The following LRP1B variants were observed in gnomAD, a reference collection of about 807,000 sequenced individuals.
The protein encoded by LRP1B is LDL receptor related protein 1B.
A neutral mutation model predicts 556.6 loss-of-function variants in LRP1B; 217 were observed. The observed-to-expected ratio is 0.39, with a 90% confidence interval of 0.35 to 0.44. LRP1B has a LOEUF of 0.44. LRP1B is among the 20% of genes least tolerant of loss of function. LRP1B has a pLI of 1.00. For synonymous variants in LRP1B, 2,047 were observed against 1,865.8 expected (o/e 1.10, Z -2.50); for missense variants, 5,053 against 5,620.8 (o/e 0.90, Z 3.23).
At chr2:140,618,951 C>T (rs747825291) in intron 41 of LRP1B, among the ~76,000 whole-genome samples, 22 of 152,032 alleles carry the variant, frequency 1.4e-4, no homozygotes, top group Non-Finnish European at 4.4e-5. Flanking sequence ...ACTTCCCATA[C>T]CTCTCTCCTC....
intron 39 of LRP1B, 58 bp from the exon 40 acceptor site, chr2:140,701,903 G>A (rs1686658944): frequency 1.2e-6 from 2 of 1,603,538 alleles, no homozygotes; most frequent in South Asian, 2.2e-5. Flanking sequence ...AGTCAAGCCA[G>A]TTACTTAAGC....
intron 2 of LRP1B, among the ~76,000 whole-genome samples, chr2:141,727,080 G>T (rs1693067353): frequency 6.6e-6 from 1 of 152,174 alleles, no homozygotes; most frequent in East Asian, 1.9e-4. Context: ...AGCCACTAAT[G>T]TAAGGAGATT....
chr2:141,123,956 T>C (rs568563506), intron 7 of LRP1B, among the ~76,000 whole-genome samples: 1 of 148,642 alleles, frequency 6.7e-6, no homozygotes, highest in South Asian at 2.1e-4. Context: ...ATAGAGTAAA[T>C]TGTTAGTTAT....
chr2:140,880,467 C>T (rs1044684938), intron 25 of LRP1B, among the ~76,000 whole-genome samples: 1 of 152,064 alleles, frequency 6.6e-6, no homozygotes, highest in African/African-American at 2.4e-5. Context: ...AGTTTGTCAC[C>T]TGGGAGATCA....
intron 84 of LRP1B, among the ~76,000 whole-genome samples, chr2:140,282,426 A>G (rs968295516): frequency 6.6e-6 from 1 of 151,822 alleles, no homozygotes; most frequent in African/African-American, 2.4e-5. Flanking sequence ...ACAGAACTTC[A>G]AATCCAAATA....
intron 47 of LRP1B, among the ~76,000 whole-genome samples, chr2:140,532,362 T>C (rs913897580): frequency 6.7e-5 from 10 of 149,364 alleles, no homozygotes; most frequent in Non-Finnish European, 1.2e-4. Context: ...CTCCTTCCCA[T>C]ACCTTCTCTG....
chr2:141,472,825 A>AT (rs938943416), intron 3 of LRP1B, among the ~76,000 whole-genome samples: 55 of 145,930 alleles, frequency 3.8e-4, no homozygotes, highest in African/African-American at 1.2e-3. Context: ...AAAATTTACA[A>AT]TTTTTTTTTG....
intron 3 of LRP1B, among the ~76,000 whole-genome samples, chr2:141,390,299 A>C (rs1690001929): frequency 6.6e-6 from 1 of 152,204 alleles, no homozygotes. Flanking sequence ...AAGAAAAAAA[A>C]AGCGTTGATG....
chr2:141,354,165 C>G (rs76089758), intron 3 of LRP1B, among the ~76,000 whole-genome samples: 5,796 of 151,976 alleles, frequency 0.038, 154 homozygotes, highest in South Asian at 0.062. Flanking sequence ...CCACGACAAA[C>G]AGTTTACCTA....
intron 7 of LRP1B, among the ~76,000 whole-genome samples, chr2:141,117,658 C>A (rs1030433721): frequency 2.0e-5 from 3 of 151,914 alleles, no homozygotes; most frequent in Admixed American, 2.0e-4. Context: ...ATTTTAAAAT[C>A]TGAGTATTTG....
chr2:142,125,757 G>A (rs766324008), intron 1 of LRP1B, among the ~76,000 whole-genome samples: 3 of 151,712 alleles, frequency 2.0e-5, no homozygotes, highest in Non-Finnish European at 4.4e-5. Flanking sequence ...AAAATGTATA[G>A]CAACTCCACA....
intron 1 of LRP1B, among the ~76,000 whole-genome samples, chr2:141,883,926 T>G (rs990003838): frequency 6.6e-6 from 1 of 152,226 alleles, no homozygotes; most frequent in African/African-American, 2.4e-5. Context: ...TTTTATCTTA[T>G]GTATATGAAC....
chr2:141,526,937 A>T (rs1306301324), intron 2 of LRP1B, among the ~76,000 whole-genome samples: 1 of 152,098 alleles, frequency 6.6e-6, no homozygotes, highest in African/African-American at 2.4e-5. Context: ...TAGAATCCGG[A>T]TTACAGGAAA....
intron 11 of LRP1B, among the ~76,000 whole-genome samples, chr2:141,028,093 G>C (rs1023127839): frequency 6.6e-6 from 1 of 151,966 alleles, no homozygotes; most frequent in African/African-American, 2.4e-5. Flanking sequence ...CTTGACTAAA[G>C]TTACTTCAAA....
At chr2:141,020,900 T>G (rs1698046921) in intron 11 of LRP1B, among the ~76,000 whole-genome samples, 1 of 152,082 alleles carries the variant, frequency 6.6e-6, no homozygotes, top group East Asian at 2.0e-4. Flanking sequence ...TATCCAAGCC[T>G]TATGACCCAC....
intron 2 of LRP1B, among the ~76,000 whole-genome samples, chr2:141,683,596 G>A (rs1407224329): frequency 2.0e-5 from 3 of 152,010 alleles, no homozygotes; most frequent in Admixed American, 2.0e-4. Context: ...TTCAAGCAAA[G>A]GGTTAAAGGT....
chr2:141,348,313 T>C (rs965554746), intron 3 of LRP1B, among the ~76,000 whole-genome samples: 1 of 152,006 alleles, frequency 6.6e-6, no homozygotes. Flanking sequence ...TTTTGAAATA[T>C]GTACTGAAAA....
intron 1 of LRP1B, among the ~76,000 whole-genome samples, chr2:141,846,138 T>A (rs892889124): frequency 7.3e-5 from 11 of 151,426 alleles, no homozygotes; most frequent in African/African-American, 2.7e-4. Flanking sequence ...CCACAAGCTT[T>A]GCAAAGACAG....
At chr2:140,426,533 C>T (rs887909291) in intron 66 of LRP1B, among the ~76,000 whole-genome samples, 3 of 152,102 alleles carry the variant, frequency 2.0e-5, no homozygotes, top group Admixed American at 2.0e-4. Context: ...TAACTGATGA[C>T]ATTATCTTCT....
Sources: gnomAD v4.1 joint callset for allele counts (sites outside exome capture counted in the v4.1 genomes callset) on GRCh38, gnomAD v4.1.1 for gene constraint, MANE v1.5 for transcripts, NCBI Gene and HGNC (gene_info 2026-07-23, HGNC 2026-07-21) for gene names.